KCNN2: variants seen among roughly 807,000 people sequenced by gnomAD.
The protein encoded by KCNN2 is potassium calcium-activated channel subfamily N member 2.
A neutral mutation model predicts 55.5 loss-of-function variants in KCNN2; 24 were observed. That is an observed-to-expected ratio of 0.43 (90% CI 0.31 to 0.61). KCNN2 has a LOEUF of 0.61. KCNN2 is among the 20% of genes least tolerant of loss of function. KCNN2 has a pLI of 0.08. For missense variants in KCNN2, 754 were observed against 853.6 expected (o/e 0.88, Z 1.45); for synonymous variants, 431 against 336.1 (o/e 1.28, Z -3.09).
At chr5:114,225,295 G>A (rs1754217918) in intron 2 of KCNN2, among the ~76,000 whole-genome samples, 1 of 151,988 alleles carries the variant, frequency 6.6e-6, no homozygotes, top group African/African-American at 2.4e-5. Context: ...CAAGTCAAAG[G>A]TTTCTCCATT....
chr5:114,061,542 C>A (rs966244141), intron 1 of KCNN2, among the ~76,000 whole-genome samples: 1 of 151,892 alleles, frequency 6.6e-6, no homozygotes, highest in Non-Finnish European at 1.5e-5. Flanking sequence ...CCTTCCAGCC[C>A]TTTTGTACAC....
chr5:114,124,310 G>C (rs1490239121), intron 1 of KCNN2, among the ~76,000 whole-genome samples: 2 of 152,138 alleles, frequency 1.3e-5, no homozygotes, highest in Non-Finnish European at 2.9e-5. Flanking sequence ...TTGAACATTT[G>C]TTACTTTTCT....
At chr5:114,327,485 A>G (rs921478935) in intron 2 of KCNN2, among the ~76,000 whole-genome samples, 1 of 152,194 alleles carries the variant, frequency 6.6e-6, no homozygotes, top group African/African-American at 2.4e-5. Context: ...CAAAAGTCAC[A>G]TGTCTTTTCT....
chr5:114,187,611 T>C (rs1289744248), intron 1 of KCNN2, among the ~76,000 whole-genome samples: 2 of 137,640 alleles, frequency 1.5e-5, no homozygotes, highest in African/African-American at 5.5e-5. Flanking sequence ...GTTCAAGGGA[T>C]TCTCCTGCCT....
chr5:114,466,690 C>A (rs1761469049), intron 4 of KCNN2, among the ~76,000 whole-genome samples: 1 of 151,946 alleles, frequency 6.6e-6, no homozygotes, highest in African/African-American at 2.4e-5. Flanking sequence ...GTATGGATGA[C>A]TGGATTTTTT....
At chr5:114,124,447 C>T (rs1429370026) in intron 1 of KCNN2, among the ~76,000 whole-genome samples, 1 of 152,116 alleles carries the variant, frequency 6.6e-6, no homozygotes, top group Admixed American at 6.5e-5. Context: ...GTAGAAACTG[C>T]AGCCTCAAAA....
chr5:114,155,403 C>T (rs764987084), intron 1 of KCNN2, among the ~76,000 whole-genome samples: 21 of 152,054 alleles, frequency 1.4e-4, no homozygotes, highest in South Asian at 2.1e-4. Context: ...GGTGTATACC[C>T]GGTAATGAGA....
intron 1 of KCNN2, among the ~76,000 whole-genome samples, chr5:114,084,316 C>G (rs533674456): frequency 1.3e-5 from 2 of 152,104 alleles, no homozygotes; most frequent in East Asian, 1.9e-4. Flanking sequence ...GTTCTCATTG[C>G]TACACAGTCC....
rs938004972 is a variant in KCNN2 at position 114,429,084 on chromosome 5, T to C, written c.1637+24228T>C. Among the ~76,000 whole-genome samples, 9 of 152,098 alleles carry C rather than the reference T, an allele frequency of 5.9e-5. No individual in the cohort carries two copies. In the South Asian group the frequency reaches 8.3e-4, roughly 14 times the overall value. On this transcript the variant is annotated intron_variant, in intron 3 of 7. Transcript: ENST00000673685. Reference sequence around the variant, plus strand: ...TTTTCAAGTCATTTGGATTAATACCTGGGAGCATGATTGATGGATCATATG... The same window carrying C: ...TTTTCAAGTCATTTGGATTAATACCCGGGAGCATGATTGATGGATCATATG...
intron 2 of KCNN2, among the ~76,000 whole-genome samples, chr5:114,298,800 G>A (rs1174820833): frequency 6.6e-6 from 1 of 152,024 alleles, no homozygotes; most frequent in Non-Finnish European, 1.5e-5. Context: ...AGTAATAATG[G>A]TGGTGAGGAT....
At chr5:114,391,101 A>G (rs1758439479) in intron 2 of KCNN2, among the ~76,000 whole-genome samples, 1 of 152,154 alleles carries the variant, frequency 6.6e-6, no homozygotes, top group Non-Finnish European at 1.5e-5. Context: ...TATTTTAGGA[A>G]ATGACGAGAA....
intron 2 of KCNN2, among the ~76,000 whole-genome samples, chr5:114,316,288 T>C (rs1353784982): frequency 2.6e-5 from 4 of 152,118 alleles, no homozygotes; most frequent in Non-Finnish European, 4.4e-5. Context: ...AGTCCCAAAA[T>C]ATAAGACAAA....
chr5:114,176,967 C>T (rs779260063), intron 1 of KCNN2, among the ~76,000 whole-genome samples: 2 of 151,932 alleles, frequency 1.3e-5, no homozygotes, highest in Non-Finnish European at 2.9e-5. Context: ...AAAGGAGGAA[C>T]AGTTTTTTTT....
At chr5:114,185,417 C>T (rs1183205738) in intron 1 of KCNN2, among the ~76,000 whole-genome samples, 1 of 152,220 alleles carries the variant, frequency 6.6e-6, no homozygotes, top group Non-Finnish European at 1.5e-5. Context: ...AAACTCCAAC[C>T]AGCCTGCCCA....
At chr5:114,363,862 A>C (rs891415787) in intron 1 of KCNN2, 44 bp from the exon 2 acceptor site, 2 of 1,487,842 alleles carry the variant, frequency 1.3e-6, no homozygotes, top group Non-Finnish European at 1.9e-6. Context: ...AGGCGGTTAA[A>C]AGTGCTTCTT....
intron 3 of KCNN2, among the ~76,000 whole-genome samples, chr5:114,441,604 A>G (rs1267281064): frequency 6.6e-6 from 1 of 152,216 alleles, no homozygotes. Flanking sequence ...AAATGTCATG[A>G]TAATATGAGG....
intron 1 of KCNN2, among the ~76,000 whole-genome samples, chr5:114,094,971 T>C (rs1751227030): frequency 6.6e-6 from 1 of 152,194 alleles, no homozygotes; most frequent in Non-Finnish European, 1.5e-5. Context: ...TGCTTTATCT[T>C]ATGGCTGTTG....
intron 5 of KCNN2, among the ~76,000 whole-genome samples, chr5:114,478,068 A>C (rs1430346502): frequency 6.6e-6 from 1 of 152,150 alleles, no homozygotes; most frequent in Non-Finnish European, 1.5e-5. Context: ...CCCAGGCCTC[A>C]TACACCTGAC....
At chr5:114,276,407 G>C (rs4705655) in intron 2 of KCNN2, among the ~76,000 whole-genome samples, 149,284 of 152,248 alleles carry the variant, frequency 0.98, 73,256 homozygotes, top group Non-Finnish European at 1. Flanking sequence ...TCCCATTGGT[G>C]TGTCTAATAT....
Sources: gnomAD v4.1 joint callset for allele counts (sites outside exome capture counted in the v4.1 genomes callset) on GRCh38, gnomAD v4.1.1 for gene constraint, MANE v1.5 for transcripts, NCBI Gene and HGNC (gene_info 2026-07-23, HGNC 2026-07-21) for gene names.